Variants in KIAA1217 observed in about 807,000 individuals in gnomAD.
KIAA1217 encodes the protein KIAA1217, also known as sickle tail protein homolog.
In KIAA1217, 88 loss-of-function variants were observed where a neutral mutation model predicts 163.9. The ratio of observed to expected loss-of-function variants is 0.54; its 90% confidence interval spans 0.45 to 0.64. KIAA1217 has a LOEUF of 0.64. Among genes scored for constraint, KIAA1217 ranks in the 30% least tolerant of loss-of-function variants. The pLI, the probability that KIAA1217 is intolerant of heterozygous loss-of-function variation, is 0.00. For missense variants in KIAA1217, 2,372 were observed against 2,475.0 expected (o/e 0.96, Z 0.88); for synonymous variants, 903 against 923.1 (o/e 0.98, Z 0.39).
chr10:24,476,280 G>A (rs531924324), intron 6 of KIAA1217, among the ~76,000 whole-genome samples: 2 of 152,098 alleles, frequency 1.3e-5, no homozygotes, highest in Non-Finnish European at 2.9e-5. Context: ...TTTTCAAGAC[G>A]TTTAGTTATG....
At chr10:24,146,353 T>C (rs2064311649) in intron 2 of KIAA1217, among the ~76,000 whole-genome samples, 1 of 152,242 alleles carries the variant, frequency 6.6e-6, no homozygotes, top group African/African-American at 2.4e-5. Flanking sequence ...AAGTTATTTT[T>C]ACTATTTAAT....
chr10:23,831,499 A>G (rs1368148970), intron 1 of KIAA1217, among the ~76,000 whole-genome samples: 1 of 152,180 alleles, frequency 6.6e-6, no homozygotes, highest in Non-Finnish European at 1.5e-5. Flanking sequence ...AGACATACAC[A>G]TGGGATACAA....
chr10:24,481,463 C>G (rs2064682334), intron 6 of KIAA1217: 1 of 152,082 alleles, frequency 6.6e-6, no homozygotes, highest in South Asian at 2.1e-4. Flanking sequence ...AGGGGACATG[C>G]CAAGTCACAT....
intron 13 of KIAA1217, among the ~76,000 whole-genome samples, chr10:24,526,569 G>A (rs574056280): frequency 4.6e-5 from 7 of 152,116 alleles, no homozygotes; most frequent in African/African-American, 1.4e-4. Flanking sequence ...TGTATTTTAC[G>A]CTTTGAGAGG....
At chr10:24,476,290 G>A (rs2064032679) in intron 6 of KIAA1217, among the ~76,000 whole-genome samples, 1 of 152,090 alleles carries the variant, frequency 6.6e-6, no homozygotes, top group Non-Finnish European at 1.5e-5. Context: ...GTTTAGTTAT[G>A]GAGAGAATAA....
intron 1 of KIAA1217, among the ~76,000 whole-genome samples, chr10:23,777,865 C>T (rs1835073385): frequency 6.6e-6 from 1 of 152,188 alleles, no homozygotes; most frequent in Non-Finnish European, 1.5e-5. Context: ...GAAAGGAAGT[C>T]AAGTCACGGA....
At chr10:24,276,106 TTAGTGAAA>T (rs1449527282) in intron 2 of KIAA1217, among the ~76,000 whole-genome samples, 1 of 152,194 alleles carries the variant, frequency 6.6e-6, no homozygotes, top group African/African-American at 2.4e-5. Flanking sequence ...TTGTCGTTAT[TTAGTGAAA>T]TAGTAATTGA....
At chr10:23,749,017 C>A (rs577508280) in intron 1 of KIAA1217, among the ~76,000 whole-genome samples, 2 of 152,294 alleles carry the variant, frequency 1.3e-5, no homozygotes, top group East Asian at 3.9e-4. Flanking sequence ...CTCGTCATCA[C>A]CTGCTGTTAT....
chr10:24,188,858 C>T (rs2066569345), intron 2 of KIAA1217, among the ~76,000 whole-genome samples: 1 of 152,116 alleles, frequency 6.6e-6, no homozygotes, highest in Admixed American at 6.5e-5. Flanking sequence ...GTAATCCCAG[C>T]ACTTTGGGAG....
chr10:24,260,669 C>T (rs771644527), intron 2 of KIAA1217, among the ~76,000 whole-genome samples: 1 of 151,184 alleles, frequency 6.6e-6, no homozygotes, highest in Non-Finnish European at 1.5e-5. Flanking sequence ...CACTTGAGCC[C>T]AGGAGTTCGA....
chr10:24,502,964 CA>C (rs1183657324), intron 9 of KIAA1217, among the ~76,000 whole-genome samples: 1 of 152,028 alleles, frequency 6.6e-6, no homozygotes, highest in Non-Finnish European at 1.5e-5. Flanking sequence ...CCAGCCTGGG[CA>C]ATAGACCAAG....
At chr10:23,830,663 A>G (rs1276774977) in intron 1 of KIAA1217, among the ~76,000 whole-genome samples, 10 of 136,926 alleles carry the variant, frequency 7.3e-5, no homozygotes. Context: ...AAAATGAGAA[A>G]TCATAGGTAG....
intron 11 of KIAA1217, among the ~76,000 whole-genome samples, chr10:24,521,410 G>A (rs1016958844): frequency 6.6e-6 from 1 of 152,122 alleles, no homozygotes. Context: ...AGGAAGCTGA[G>A]GCAGGAGGAT....
At chr10:24,212,553 C>A (rs1038208420) in intron 1 of KIAA1217, among the ~76,000 whole-genome samples, 4 of 152,080 alleles carry the variant, frequency 2.6e-5, no homozygotes, top group African/African-American at 9.7e-5. Context: ...GAAAAAATAG[C>A]AAAAGTGGAA....
chr10:24,402,516 C>CAAAACAA (rs1554849271), intron 3 of KIAA1217, among the ~76,000 whole-genome samples: 2 of 93,004 alleles, frequency 2.2e-5, no homozygotes, highest in South Asian at 3.8e-4. Context: ...CTCAAAAAAA[C>CAAAACAA]AAAAAACAAA....
At position 24,088,256 on chromosome 10, in the gene KIAA1217, C is replaced by CATATATATATATATATATAT. The variant is rs758367708; in HGVS notation, c.-171+80901_-171+80902insTATATATATATATATATATA. On this transcript the variant is annotated intron_variant, in intron 2 of 18. Transcript: ENST00000376462. Reference sequence around the variant, plus strand: ...TCCCAGGCTCTGTTTTTTTAATATACATATATATATATATATATACACACA... The same window carrying CATATATATATATATATATAT: ...TCCCAGGCTCTGTTTTTTTAATATACATATATATATATATATATATATATATATATATATATATACACACA... 3.0e-3 allele frequency among the ~76,000 whole-genome samples: 291 copies of CATATATATATATATATATAT among 95,778 alleles called. 18 individuals carry two copies. Among genetic ancestry groups the CATATATATATATATATATAT allele is most frequent in the African/African-American group, 5.6e-3 (168 of 29,744 alleles). The allele number at this position is 95,778 out of a possible 152,430, so 62.8% of individuals were successfully genotyped here.
chr10:24,159,580 C>G (rs1001753875), intron 2 of KIAA1217, among the ~76,000 whole-genome samples: 10 of 151,192 alleles, frequency 6.6e-5, no homozygotes, highest in African/African-American at 2.4e-4. Flanking sequence ...GAGATCAAGA[C>G]CATCCTGGCT....
intron 5 of KIAA1217, among the ~76,000 whole-genome samples, chr10:24,472,793 T>C (rs1317466618): frequency 6.6e-6 from 1 of 152,168 alleles, no homozygotes; most frequent in East Asian, 1.9e-4. Flanking sequence ...ATTTTGCACA[T>C]CAATATCAAT....
rs2058435322 is a variant in KIAA1217, at chr10:24,418,289, G to C, written c.554-14706G>C. Among the ~76,000 whole-genome samples, 3 of 152,182 alleles carry C rather than the reference G, an allele frequency of 2.0e-5. No homozygotes were observed. In the East Asian group the frequency reaches 5.8e-4, roughly 29 times the overall value. On this transcript the variant is annotated intron_variant, in intron 3 of 20. Coordinates refer to ENST00000376454, the MANE Select transcript of KIAA1217 (RefSeq NM_019590.5). ...CTGTTTCCTTTCCACTTGGAAAGTA[G>C]TTTATCCTGGAAATTCCTGGGATCC...
Sources: gnomAD v4.1 joint callset for allele counts (sites outside exome capture counted in the v4.1 genomes callset) on GRCh38, gnomAD v4.1.1 for gene constraint, MANE v1.5 for transcripts, NCBI Gene and HGNC (gene_info 2026-07-23, HGNC 2026-07-21) for gene names.